PHACTR3: variants seen among roughly 807,000 people sequenced by gnomAD.
PHACTR3 encodes phosphatase and actin regulator 3.
Under a neutral mutation model 66.8 loss-of-function variants are expected in PHACTR3, and 16 were observed. That is an observed-to-expected ratio of 0.24 (90% CI 0.16 to 0.36). The LOEUF is 0.36. PHACTR3 is among the 10% of genes least tolerant of loss of function. The probability of loss-of-function intolerance (pLI) is 1.00; values close to 1 mark genes in which losing one functional copy is unlikely to be tolerated. For synonymous variants in PHACTR3, 323 were observed against 292.1 expected, an observed-to-expected ratio of 1.11 and a Z score of -1.08; for missense variants, 647 against 719.9, an observed-to-expected ratio of 0.90 and a Z score of 1.16.
intron 1 of PHACTR3, among the ~76,000 whole-genome samples, chr20:59,728,768 G>T (rs550839306): frequency 6.6e-6 from 1 of 151,968 alleles, no homozygotes; most frequent in African/African-American, 2.4e-5. Flanking sequence ...AGTATTTGTT[G>T]GGTGCCTGCT....
chr20:59,707,689 T>A (rs941554463), intron 1 of PHACTR3, among the ~76,000 whole-genome samples: 3 of 151,964 alleles, frequency 2.0e-5, no homozygotes, highest in African/African-American at 7.3e-5. Flanking sequence ...GGTCTTGAAC[T>A]CCTGAGCAAA....
chr20:59,677,610 G>GA (rs1391288108), intron 1 of PHACTR3, among the ~76,000 whole-genome samples: 3 of 152,288 alleles, frequency 2.0e-5, no homozygotes, highest in African/African-American at 7.2e-5. Context: ...TGACCCAGTG[G>GA]AAAATGGCGA....
At chr20:59,701,512 A>G (rs970089089) in intron 1 of PHACTR3, among the ~76,000 whole-genome samples, 1 of 152,242 alleles carries the variant, frequency 6.6e-6, no homozygotes, top group Non-Finnish European at 1.5e-5. Context: ...AAGATGGGAA[A>G]GACCTGGATA....
intron 1 of PHACTR3, among the ~76,000 whole-genome samples, chr20:59,741,754 C>CTTTTTTTTTTTTTTT (rs5842281): frequency 1.4e-5 from 2 of 139,392 alleles, no homozygotes. Context: ...TTCTTTCTTT[C>CTTTTTTTTTTTTTTT]TTTTTTTTTT....
At chr20:59,660,033 A>T (rs1389263264) in intron 1 of PHACTR3, among the ~76,000 whole-genome samples, 1 of 151,996 alleles carries the variant, frequency 6.6e-6, no homozygotes, top group Non-Finnish European at 1.5e-5. Context: ...TCAATAATTG[A>T]ATGTCCGGAG....
chr20:59,694,688 C>A (rs2037231837), intron 1 of PHACTR3, among the ~76,000 whole-genome samples: 1 of 152,144 alleles, frequency 6.6e-6, no homozygotes, highest in African/African-American at 2.4e-5. Context: ...GTAGCACCTA[C>A]CTGGCTTATA....
intron 4 of PHACTR3, among the ~76,000 whole-genome samples, chr20:59,763,358 T>G (rs890944263): frequency 3.3e-5 from 5 of 152,242 alleles, no homozygotes; most frequent in African/African-American, 1.2e-4. Context: ...CTTGGGCAGT[T>G]ATTTTTAGCA....
At chr20:59,713,079 GT>G (rs1431070500) in intron 1 of PHACTR3, among the ~76,000 whole-genome samples, 1 of 152,218 alleles carries the variant, frequency 6.6e-6, no homozygotes, top group Non-Finnish European at 1.5e-5. Flanking sequence ...TCACAACACG[GT>G]CTAGGGTCTG....
chr20:59,770,127 G>T (rs889533124), intron 5 of PHACTR3, among the ~76,000 whole-genome samples: 1 of 152,166 alleles, frequency 6.6e-6, no homozygotes, highest in African/African-American at 2.4e-5. Flanking sequence ...GACTCCACAC[G>T]CCCTAAATTC....
chr20:59,580,813 C>T (rs1349704214), intron 1 of PHACTR3, among the ~76,000 whole-genome samples: 1 of 152,222 alleles, frequency 6.6e-6, no homozygotes, highest in Non-Finnish European at 1.5e-5. Context: ...TTAATGACAA[C>T]CAGCTGGACT....
intron 8 of PHACTR3, among the ~76,000 whole-genome samples, chr20:59,822,849 G>A (rs1161907798): frequency 6.6e-6 from 1 of 152,210 alleles, no homozygotes; most frequent in Admixed American, 6.5e-5. Context: ...GTGAATCCTG[G>A]AGAGCGGCGG....
intron 1 of PHACTR3, among the ~76,000 whole-genome samples, chr20:59,710,257 C>T (rs6015558): frequency 6.6e-6 from 1 of 152,264 alleles, no homozygotes; most frequent in Admixed American, 6.5e-5. Context: ...TAGATGTGGC[C>T]TCATTTACTC....
At chr20:59,744,809 C>T (rs1412544944) in intron 2 of PHACTR3, among the ~76,000 whole-genome samples, 1 of 152,242 alleles carries the variant, frequency 6.6e-6, no homozygotes, top group Non-Finnish European at 1.5e-5. Flanking sequence ...CAGGCCCTGC[C>T]CACCCAGAGC....
chr20:59,697,020 G>A (rs2037322690), intron 1 of PHACTR3, among the ~76,000 whole-genome samples: 1 of 152,162 alleles, frequency 6.6e-6, no homozygotes, highest in Non-Finnish European at 1.5e-5. Flanking sequence ...TTGGGCAGAG[G>A]GAGAGAGACA....
chr20:59,687,286 T>G (rs1462707966), intron 1 of PHACTR3, among the ~76,000 whole-genome samples: 1 of 151,684 alleles, frequency 6.6e-6, no homozygotes, highest in East Asian at 1.9e-4. Context: ...CATAGTGGTG[T>G]TGGTGATGAT....
chr20:59,738,842 A>T lies in PHACTR3; in HGVS notation c.119-4265A>T, dbSNP rs1220615387. Among the ~76,000 whole-genome samples the T allele has an allele frequency of 6.6e-6, 1 of 152,128 alleles. No individual in the cohort carries two copies. The highest frequency in any genetic ancestry group is 1.5e-5 in the Non-Finnish European group (1 of 68,028). On this transcript the variant is annotated intron_variant, in intron 1 of 12. Coordinates refer to ENST00000371015, the MANE Select transcript of PHACTR3 (RefSeq NM_080672.5). The surrounding 1 kb of genome is among the most constrained non-coding windows in gnomAD (Gnocchi z 4.4). ...CCTCGTCTCCTCTGCTCATCCCTGG[A>T]GATCTTCGTCTTCATCTTCAGCTGA...
At chr20:59,762,056 T>A (rs1359927934) in intron 4 of PHACTR3, among the ~76,000 whole-genome samples, 1 of 152,070 alleles carries the variant, frequency 6.6e-6, no homozygotes, top group Admixed American at 6.5e-5. Context: ...GAGGGCGGTG[T>A]CAGAGAGGAG....
chr20:59,620,615 G>A (rs939146049), intron 1 of PHACTR3, among the ~76,000 whole-genome samples: 6 of 152,196 alleles, frequency 3.9e-5, no homozygotes, highest in African/African-American at 7.2e-5. Flanking sequence ...AAGCGATGTC[G>A]CTGGAGATCC....
In PHACTR3 at chr20:59,640,684, G is replaced by A. The variant is rs75962953; in HGVS notation, c.118+35552G>A. ...CAGTAGTAGAGAAGGCAACCATGGGGAGAACCTAAGTCTTGTTTCTAGAGA... is the reference window on the plus strand; with the variant it reads ...CAGTAGTAGAGAAGGCAACCATGGGAAGAACCTAAGTCTTGTTTCTAGAGA... On this transcript the variant is annotated intron_variant, in intron 1 of 12. Coordinates refer to ENST00000371015, the MANE Select transcript of PHACTR3 (RefSeq NM_080672.5). Among the ~76,000 whole-genome samples the A allele has an allele frequency of 1.3e-3, 197 of 152,314 alleles. 1 individual carries two copies. Among genetic ancestry groups the A allele is most frequent in the African/African-American group, 3.5e-3 (146 of 41,560 alleles).
Sources: allele counts gnomAD v4.1 joint callset (sites outside exome capture counted in the v4.1 genomes callset), GRCh38; gene constraint gnomAD v4.1.1; non-coding constraint Gnocchi (gnomAD v3.1); transcripts MANE v1.5; gene names NCBI Gene and HGNC (gene_info 2026-07-23, HGNC 2026-07-21).